Variants in MMD2 observed in about 807,000 individuals in gnomAD.
The protein encoded by MMD2 is monocyte to macrophage differentiation factor 2.
MMD2 carries 30 observed loss-of-function variants against 33.5 expected under a neutral mutation model. The observed-to-expected ratio is 0.90, with a 90% CI of 0.67 to 1.22. The LOEUF is 1.22. Among genes scored for constraint, MMD2 ranks in the 50% most tolerant of loss-of-function variants. MMD2 has a pLI of 0.00. For synonymous variants in MMD2, 129 were observed against 123.0 expected, an observed-to-expected ratio of 1.05 and a Z score of -0.32; for missense variants, 364 against 325.4, an observed-to-expected ratio of 1.12 and a Z score of -0.91.
At chr7:4,903,365 A>G (rs1784820039), downstream of MMD2, among the ~76,000 whole-genome samples, 2 of 151,844 alleles carry the variant, frequency 1.3e-5, no homozygotes, top group Admixed American at 1.3e-4. Context: ...GTGACTTTAG[A>G]TCTCCAGTTC....
At position 4,911,304 on chromosome 7, in the gene MMD2, C is replaced by T. The variant is rs979086423; in HGVS notation, c.366-58G>A. ...AGGGGGGCCCACCAGGACCCCGGCC[C>T]TCGAGGACCGGCCTGTCACAGGAAA... On this transcript the variant is annotated intron_variant, in intron 4 of 6. Transcript: ENST00000401401. The T allele has an allele frequency of 2.5e-5, 35 of 1,398,196 alleles. No homozygotes were observed. In the African/African-American group the frequency reaches 4.3e-4, roughly 17 times the overall value. 86.6% of individuals were successfully genotyped at this position (1,398,196 alleles called of 1,614,324 possible). A position where few individuals can be genotyped will look rare whatever the true frequency, so the allele number is the denominator to read the frequency against.
chr7:4,957,163 C>CAA (rs72291506), intron 1 of MMD2, among the ~76,000 whole-genome samples: 2,999 of 138,302 alleles, frequency 0.022, 117 homozygotes, highest in African/African-American at 0.075. Context: ...GAGACTGTCT[C>CAA]AAAAAAAAAA....
chr7:4,936,885 C>T (rs557639157), intron 1 of MMD2, among the ~76,000 whole-genome samples: 1 of 151,710 alleles, frequency 6.6e-6, no homozygotes, highest in African/African-American at 2.4e-5. Flanking sequence ...CAGGTGTTTG[C>T]CACTACACCT....
intron 5 of MMD2, 42 bp downstream of exon 5, chr7:4,911,103 T>A (rs537164358): frequency 1.3e-6 from 2 of 1,510,332 alleles, no homozygotes; most frequent in Non-Finnish European, 1.8e-6. Context: ...CCAGAGCATC[T>A]AAGGGAATCC....
chr7:4,951,058 G>A (rs2115160425), intron 1 of MMD2, among the ~76,000 whole-genome samples: 1 of 152,126 alleles, frequency 6.6e-6, no homozygotes, highest in African/African-American at 2.4e-5. Context: ...GTGCCCTGAA[G>A]GGTTTGTAGG....
At chr7:4,938,481 A>T (rs1169523366) in intron 1 of MMD2, among the ~76,000 whole-genome samples, 2 of 152,010 alleles carry the variant, frequency 1.3e-5, no homozygotes, top group Non-Finnish European at 2.9e-5. Context: ...TCCTCTCTAA[A>T]GCCACTAATG....
chr7:4,920,168 C>T lies in MMD2; in HGVS notation c.290+3G>A. 6.4e-7 allele frequency: 1 copy of T among 1,557,032 alleles called. No homozygotes were observed. The highest frequency in any genetic ancestry group is 8.7e-7 in the Non-Finnish European group (1 of 1,150,766). The stretch of plus-strand genomic sequence containing the variant: ...GCATGGGTCCCCTCTGGGCGGGAGG[C>T]ACCTGAGGTGGCTCTTCTTCCAGGA... On this transcript the variant is annotated splice_donor_region_variant and intron_variant, in intron 3 of 6. Coordinates refer to ENST00000401401, the MANE Select transcript of MMD2 (RefSeq NM_198403.4).
At position 4,920,104 on chromosome 7, in the gene MMD2, C is replaced by CG. The variant is rs921964200; in HGVS notation, c.290+66dup. On this transcript the variant is annotated intron_variant, in intron 3 of 6. Coordinates refer to ENST00000401401, the MANE Select transcript of MMD2 (RefSeq NM_198403.4). ...AGACCGGATATCCTGGTTCACCCCC[C>CG]GGGCTGCCATGGGTCCCCCTGCCCC... 1.9e-5 allele frequency: 28 copies of CG among 1,503,128 alleles called. No homozygotes were observed. The African/African-American group carries it at 3.0e-4, about 16-fold the overall frequency. The allele number at this position is 1,503,128 out of a possible 1,614,324, so 93.1% of individuals were successfully genotyped here.
chr7:4,897,725 A>G, the MMD2 span, among the ~76,000 whole-genome samples: 2 of 149,564 alleles, frequency 1.3e-5, no homozygotes, highest in African/African-American at 5.0e-5. Flanking sequence ...TCTCCAGTGT[A>G]TTTAATCTCT....
At chr7:4,937,986 CTTTT>C (rs1583388976) in intron 1 of MMD2, among the ~76,000 whole-genome samples, 1 of 96,160 alleles carries the variant, frequency 1.0e-5, no homozygotes, top group Non-Finnish European at 2.2e-5. Context: ...TTTTTTTTTT[CTTTT>C]TTTCTTTCTT....
downstream of MMD2, among the ~76,000 whole-genome samples, chr7:4,903,349 A>G (rs1432521475): frequency 6.6e-6 from 1 of 151,474 alleles, no homozygotes; most frequent in Non-Finnish European, 1.5e-5. Flanking sequence ...CCTGCCCACG[A>G]CCAAAGTGAC....
chr7:4,905,128 C>G (rs571288394), downstream of MMD2, among the ~76,000 whole-genome samples: 112 of 152,086 alleles, frequency 7.4e-4, no homozygotes, highest in African/African-American at 2.4e-3. This position sits in a 1 kb window ranked among gnomAD's most constrained non-coding sequence, Gnocchi z 5.0. Context: ...GGAGGGGGCA[C>G]AGGAGGTGCA....
At chr7:4,924,057 T>C (rs932038552) in intron 2 of MMD2, among the ~76,000 whole-genome samples, 1 of 152,200 alleles carries the variant, frequency 6.6e-6, no homozygotes, top group Non-Finnish European at 1.5e-5. Context: ...CCGGGCTTGG[T>C]GGCGGGCGCC....
the MMD2 span, among the ~76,000 whole-genome samples, chr7:4,895,983 A>G: frequency 6.6e-6 from 1 of 151,158 alleles, no homozygotes; most frequent in South Asian, 2.1e-4. Context: ...TTTTCCCATC[A>G]CTCCTTCCTG....
the MMD2 span, among the ~76,000 whole-genome samples, chr7:4,895,123 AC>A: frequency 6.7e-6 from 1 of 149,984 alleles, no homozygotes; most frequent in Admixed American, 6.7e-5. Flanking sequence ...CTGTCACCAG[AC>A]TGGAGTGCAG....
chr7:4,902,307 T>C (rs1185076412), downstream of MMD2, among the ~76,000 whole-genome samples: 1 of 152,166 alleles, frequency 6.6e-6, no homozygotes, highest in Admixed American at 6.6e-5. Flanking sequence ...GGGCAAAAGA[T>C]TTGGAGGCAG....
chr7:4,939,880 C>A (rs953541284), intron 1 of MMD2, among the ~76,000 whole-genome samples: 1 of 151,982 alleles, frequency 6.6e-6, no homozygotes, highest in African/African-American at 2.4e-5. Context: ...GGTGGGACTA[C>A]AGGTGTACAG....
chr7:4,932,457 G>T (rs1346631898), intron 1 of MMD2, among the ~76,000 whole-genome samples: 1 of 151,826 alleles, frequency 6.6e-6, no homozygotes, highest in African/African-American at 2.4e-5. Context: ...CTATAGTTTT[G>T]TGAGTTTTGA....
At chr7:4,912,624 G>T (rs1237349844) in intron 4 of MMD2, among the ~76,000 whole-genome samples, 1 of 151,890 alleles carries the variant, frequency 6.6e-6, no homozygotes, top group Non-Finnish European at 1.5e-5. Context: ...TTCCTAAGTG[G>T]TTTTGTCTGG....
Sources: allele counts gnomAD v4.1 joint callset (sites outside exome capture counted in the v4.1 genomes callset), GRCh38; gene constraint gnomAD v4.1.1; non-coding constraint Gnocchi (gnomAD v3.1); transcripts MANE v1.5; gene names NCBI Gene and HGNC (gene_info 2026-07-23, HGNC 2026-07-21).